Variants in MOB4 observed in about 807,000 individuals in gnomAD.
MOB4 encodes the protein MOB family member 4, phocein, also known as MOB-like protein phocein.
A neutral mutation model predicts 32.2 loss-of-function variants in MOB4; 4 were observed. The observed-to-expected ratio is 0.12, with a 90% CI of 0.06 to 0.28. The LOEUF (loss-of-function observed/expected upper bound fraction) is 0.28. Among genes scored for constraint, MOB4 ranks in the 10% least tolerant of loss-of-function variants. The probability of loss-of-function intolerance (pLI) is 1.00; values close to 1 mark genes in which losing one functional copy is unlikely to be tolerated. For synonymous variants in MOB4, 88 were observed against 88.1 expected (o/e 1.00, Z 0.01); for missense variants, 158 against 271.2 (o/e 0.58, Z 2.93).
At chr2:197,544,701 G>A (rs930358639) in intron 5 of MOB4, among the ~76,000 whole-genome samples, 2 of 151,380 alleles carry the variant, frequency 1.3e-5, no homozygotes, top group African/African-American at 4.9e-5. Flanking sequence ...TGCACTGAGT[G>A]GAGATCACAT....
At chr2:197,531,767 A>G (rs1574637142) in intron 2 of MOB4, among the ~76,000 whole-genome samples, 1 of 148,116 alleles carries the variant, frequency 6.8e-6, no homozygotes, top group Non-Finnish European at 1.5e-5. Context: ...CTGGTCTCGA[A>G]CTCCTGACCT....
chr2:197,528,616 CTTTTTTT>C (rs60927398), intron 2 of MOB4, among the ~76,000 whole-genome samples: 1,426 of 131,698 alleles, frequency 0.011, 15 homozygotes, highest in South Asian at 0.042. Context: ...TTTTCTTTTT[CTTTTTTT>C]TTTTTTTTTT....
intron 5 of MOB4, among the ~76,000 whole-genome samples, chr2:197,546,553 G>A (rs1332208826): frequency 6.6e-6 from 1 of 152,030 alleles, no homozygotes; most frequent in East Asian, 1.9e-4. Flanking sequence ...GTGCCACCAT[G>A]TCTGGCTAAT....
chr2:197,530,817 A>G (rs570936418), intron 2 of MOB4, among the ~76,000 whole-genome samples: 1 of 151,930 alleles, frequency 6.6e-6, no homozygotes, highest in East Asian at 1.9e-4. Flanking sequence ...CAAGGTCTCT[A>G]ACTCCTGAGC....
chr2:197,541,199 C>G (rs1480920355), intron 5 of MOB4, among the ~76,000 whole-genome samples: 2 of 152,052 alleles, frequency 1.3e-5, no homozygotes, highest in Non-Finnish European at 2.9e-5. Flanking sequence ...CTGTGCCTGG[C>G]CTACTGTACT....
At chr2:197,541,914 G>A (rs567881336) in intron 5 of MOB4, among the ~76,000 whole-genome samples, 16 of 139,952 alleles carry the variant, frequency 1.1e-4, no homozygotes, top group Middle Eastern at 3.8e-3. Flanking sequence ...GCGAGACTCC[G>A]TCTCAAAAAA....
rs1386579731 is a variant in MOB4, at chr2:197,522,372, C to T, written c.61-1252C>T. 2.8e-5 allele frequency among the ~76,000 whole-genome samples: 4 copies of T among 143,186 alleles called. No individual in the cohort carries two copies. In the Admixed American group the frequency reaches 2.8e-4, roughly 10 times the overall value. 93.9% of individuals were successfully genotyped at this position (143,186 alleles called of 152,430 possible). A position where few individuals can be genotyped will look rare whatever the true frequency, so the allele number is the denominator to read the frequency against. ...TTGAGATGGAGTCTTGCTCTGTCAC[C>T]CAGGCTGGAGTGCAGTGGCGTGATC... On this transcript the variant is annotated intron_variant, in intron 1 of 7. Coordinates refer to ENST00000323303, the MANE Select transcript of MOB4 (RefSeq NM_015387.5).
intron 5 of MOB4, 21 bp downstream of exon 5, chr2:197,540,458 GT>G (rs1163447256): frequency 2.3e-5 from 35 of 1,548,462 alleles, no homozygotes; most frequent in Non-Finnish European, 3.0e-5. Flanking sequence ...ATGAAATAGA[GT>G]AACTAATAAA....
intron 2 of MOB4, chr2:197,533,742 A>G (rs2086749139): frequency 2.8e-6 from 1 of 351,244 alleles, no homozygotes; most frequent in South Asian, 2.6e-5. Flanking sequence ...AAAAAAAAAA[A>G]AAAAGTATTT....
intron 1 of MOB4, among the ~76,000 whole-genome samples, chr2:197,518,810 C>T (rs2086463089): frequency 6.6e-6 from 1 of 152,060 alleles, no homozygotes; most frequent in Admixed American, 6.6e-5. Flanking sequence ...GCCTGGAGTG[C>T]AGTGGCACGA....
rs543741522 is a variant in MOB4 at position 197,535,460 on chromosome 2, T to C, written c.124-70T>C. The C allele has an allele frequency of 3.5e-6, 5 of 1,424,140 alleles. No individual in the cohort carries two copies. The South Asian group carries it at 7.2e-5, about 20-fold the overall frequency. 88.2% of individuals were successfully genotyped at this position (1,424,140 alleles called of 1,614,324 possible). A position where few individuals can be genotyped will look rare whatever the true frequency, so the allele number is the denominator to read the frequency against. ...CAAGAGCAGTTATGTATTAACAAAT[T>C]ATATGTACTTAACATAAGATTTACC... On this transcript the variant is annotated intron_variant, in intron 2 of 7. Coordinates refer to ENST00000323303, the MANE Select transcript of MOB4 (RefSeq NM_015387.5).
intron 3 of MOB4, among the ~76,000 whole-genome samples, chr2:197,536,230 G>A (rs2086795793): frequency 6.6e-6 from 1 of 151,900 alleles, no homozygotes; most frequent in Admixed American, 6.6e-5. Flanking sequence ...TTGAAACAGG[G>A]TCTTGATCTG....
chr2:197,550,133 C>T, intron 6 of MOB4, 142 bp from the exon 7 acceptor site: 2 of 626,416 alleles, frequency 3.2e-6, no homozygotes, highest in Non-Finnish European at 5.1e-6. Context: ...GGGCTCCAGG[C>T]ATTTACTCGC....
At chr2:197,516,222 G>C (rs1018835732) in intron 1 of MOB4, 76 bp downstream of exon 1, 1 of 1,537,594 alleles carries the variant, frequency 6.5e-7, no homozygotes, top group Non-Finnish European at 8.8e-7. Context: ...CCGCCACTGC[G>C]GGGAGGTTGG....
chr2:197,519,589 A>G (rs764136004), intron 1 of MOB4, among the ~76,000 whole-genome samples: 1 of 152,242 alleles, frequency 6.6e-6, no homozygotes, highest in Non-Finnish European at 1.5e-5. Context: ...AAGCCGGTAC[A>G]TGTTTAGTAC....
chr2:197,515,886 C>T, upstream of MOB4: 1 of 572,108 alleles, frequency 1.7e-6, no homozygotes, highest in Non-Finnish European at 3.0e-6. Context: ...AGTAGCCACC[C>T]GACGCCGTCC....
At chr2:197,531,696 C>T (rs1276397330) in intron 2 of MOB4, among the ~76,000 whole-genome samples, 4 of 151,872 alleles carry the variant, frequency 2.6e-5, no homozygotes, top group African/African-American at 9.7e-5. Context: ...CTCCATGTGC[C>T]ACCATGCCCG....
At chr2:197,519,572 A>G (rs541045480) in intron 1 of MOB4, among the ~76,000 whole-genome samples, 1 of 152,370 alleles carries the variant, frequency 6.6e-6, no homozygotes, top group South Asian at 2.1e-4. Flanking sequence ...AATAATGACC[A>G]AAAAGAAAGC....
intron 6 of MOB4, 62 bp from the exon 7 acceptor site, chr2:197,550,213 A>G (rs567872248): frequency 1.4e-6 from 2 of 1,454,222 alleles, no homozygotes; most frequent in East Asian, 2.3e-5. Flanking sequence ...GAGAAATTGG[A>G]CTATATTGTT....
Sources: allele counts gnomAD v4.1 joint callset (sites outside exome capture counted in the v4.1 genomes callset), GRCh38; gene constraint gnomAD v4.1.1; transcripts MANE v1.5; gene names NCBI Gene and HGNC (gene_info 2026-07-23, HGNC 2026-07-21).